Variants in GALNTL5 observed in about 807,000 individuals in gnomAD.
GALNTL5 encodes inactive polypeptide N-acetylgalactosaminyltransferase-like protein 5.
A neutral mutation model predicts 51.0 loss-of-function variants in GALNTL5; 44 were observed. The observed-to-expected ratio is 0.86, with a 90% CI of 0.68 to 1.11. The LOEUF (loss-of-function observed/expected upper bound fraction) is 1.11, where lower values mean the gene tolerates loss of function less well. Ranked by LOEUF, GALNTL5 falls within the 50% of genes least tolerant of loss-of-function variation. The pLI is 0.00. For missense variants in GALNTL5, 528 were observed against 531.8 expected (o/e 0.99, Z 0.07); for synonymous variants, 192 against 182.8 (o/e 1.05, Z -0.41).
Position 152,019,921 on chromosome 7 carries a change from A to G in GALNTL5, c.*120A>G. Reference sequence around the variant, plus strand: ...TTACGTGAAATGCAATTAAAAAAATATGACCAGACGTGAGTGCCTTTATTT... The same window carrying G: ...TTACGTGAAATGCAATTAAAAAAATGTGACCAGACGTGAGTGCCTTTATTT... On this transcript the variant is annotated 3_prime_UTR_variant, in exon 9 of 9. Transcript: ENST00000392800. The G allele has an allele frequency of 1.2e-6, 1 of 833,226 alleles. No homozygotes were observed. Among genetic ancestry groups the G allele is most frequent in the South Asian group, 1.9e-5 (1 of 52,232 alleles). The allele number at this position is 833,226 out of a possible 1,614,324, so 51.6% of individuals were successfully genotyped here.
At chr7:152,011,048 G>A (rs2081731433) in intron 7 of GALNTL5, among the ~76,000 whole-genome samples, 1 of 152,112 alleles carries the variant, frequency 6.6e-6, no homozygotes, top group South Asian at 2.1e-4. Flanking sequence ...GACTTCTAGT[G>A]GAGAAACCGA....
intron 1 of GALNTL5, among the ~76,000 whole-genome samples, chr7:151,966,478 A>T (rs1430619768): frequency 2.0e-5 from 3 of 152,092 alleles, no homozygotes; most frequent in African/African-American, 7.2e-5. Context: ...CATATTGGCC[A>T]AGCTGGTCTC....
intron 1 of GALNTL5, among the ~76,000 whole-genome samples, chr7:151,958,447 A>C (rs776764328): frequency 2.8e-4 from 43 of 152,200 alleles, no homozygotes; most frequent in Non-Finnish European, 5.3e-4. Context: ...GGGAGTCCCA[A>C]GGTCTGAGCC....
chr7:151,971,120 TAG>T, intron 3 of GALNTL5, 55 bp downstream of exon 3: 1 of 1,288,038 alleles, frequency 7.8e-7, no homozygotes, highest in African/African-American at 1.5e-5. Context: ...GATAGATAGA[TAG>T]ATAGATAGAT....
chr7:151,966,683 C>T (rs2081064900), intron 1 of GALNTL5, among the ~76,000 whole-genome samples: 1 of 152,184 alleles, frequency 6.6e-6, no homozygotes, highest in Admixed American at 6.5e-5. Flanking sequence ...GGATATATCC[C>T]TAAGGATGGA....
intron 7 of GALNTL5, among the ~76,000 whole-genome samples, chr7:152,009,160 T>A (rs2081695906): frequency 6.6e-6 from 1 of 152,254 alleles, no homozygotes; most frequent in Admixed American, 6.5e-5. Context: ...CTCTTGACAC[T>A]GGCAGCTGTC....
intron 8 of GALNTL5, among the ~76,000 whole-genome samples, chr7:152,018,431 A>G (rs2081846855): frequency 6.6e-6 from 1 of 150,668 alleles, no homozygotes; most frequent in Non-Finnish European, 1.5e-5. Context: ...CATTACGACA[A>G]CTCTTGAGCT....
chr7:151,990,068 G>T (rs1215583513), intron 5 of GALNTL5, among the ~76,000 whole-genome samples: 2 of 151,840 alleles, frequency 1.3e-5, no homozygotes, highest in Non-Finnish European at 2.9e-5. Flanking sequence ...TTTGAGATAG[G>T]GTCTCACTCT....
rs528173257 is a variant in GALNTL5, at chr7:152,003,952, T to C, written c.908+989T>C. ...TTCTAATACACTGCTCGTGTGTATA[T>C]ACATTGGATCATTCTTTTTGAAAAC... On this transcript the variant is annotated intron_variant, in intron 6 of 8. Transcript: ENST00000392800. Among the ~76,000 whole-genome samples, 68 of 152,274 alleles carry C rather than the reference T, an allele frequency of 4.5e-4. 1 individual carries two copies. In the South Asian group the frequency reaches 0.013, roughly 30 times the overall value.
intron 5 of GALNTL5, among the ~76,000 whole-genome samples, chr7:151,988,845 T>TGCCC (rs1406232263): frequency 1.3e-5 from 2 of 151,672 alleles, no homozygotes; most frequent in Admixed American, 1.3e-4. Context: ...GGATTACAGG[T>TGCCC]GCCCGCCACC....
intron 5 of GALNTL5, among the ~76,000 whole-genome samples, chr7:152,002,171 T>C (rs773019320): frequency 6.6e-6 from 1 of 151,972 alleles, no homozygotes; most frequent in African/African-American, 2.4e-5. Flanking sequence ...TCCCAGCTAC[T>C]TGGGAGGCTG....
intron 8 of GALNTL5, among the ~76,000 whole-genome samples, chr7:152,019,017 G>C (rs2081854780): frequency 6.6e-6 from 1 of 152,142 alleles, no homozygotes. Context: ...TTCATTCTTG[G>C]GGCTTCCTTA....
intron 5 of GALNTL5, among the ~76,000 whole-genome samples, chr7:151,989,892 A>G (rs186253876): frequency 2.0e-5 from 3 of 152,262 alleles, no homozygotes; most frequent in Admixed American, 2.0e-4. Context: ...TTCTTTGCCA[A>G]TGTTTCTAAT....
At chr7:151,988,387 G>A (rs2151949886) in intron 5 of GALNTL5, among the ~76,000 whole-genome samples, 1 of 152,316 alleles carries the variant, frequency 6.6e-6, no homozygotes, top group South Asian at 2.1e-4. Flanking sequence ...TGGAACCACG[G>A]GAGGCGAATC....
intron 5 of GALNTL5, among the ~76,000 whole-genome samples, chr7:151,988,358 T>G (rs1421796860): frequency 6.6e-6 from 1 of 152,160 alleles, no homozygotes. Context: ...TGTAGGGGAA[T>G]GTTGGCAGAA....
At chr7:151,982,120 A>G (rs534625157) in intron 3 of GALNTL5, among the ~76,000 whole-genome samples, 37 of 152,230 alleles carry the variant, frequency 2.4e-4, no homozygotes, top group Non-Finnish European at 4.1e-4. Context: ...CAAAAAAATA[A>G]AGTATTCTGG....
Position 152,019,316 on chromosome 7 carries a change from G to A in GALNTL5, c.1177-330G>A, listed in dbSNP as rs2081859115. 6.7e-5 allele frequency among the ~76,000 whole-genome samples: 10 copies of A among 149,646 alleles called. No individual in the cohort carries two copies. In the South Asian group the frequency reaches 1.7e-3, roughly 25 times the overall value. On this transcript the variant is annotated intron_variant, in intron 8 of 8. Coordinates refer to ENST00000392800, the MANE Select transcript of GALNTL5 (RefSeq NM_145292.4). ...ATACTGATGAGGACCAGGGACTAAC[G>A]GGGTTTGTCCTTGGGTATTGTTGAA... is the stretch of plus-strand genomic sequence containing the variant.
At chr7:152,010,070 C>T (rs1164929775) in intron 7 of GALNTL5, among the ~76,000 whole-genome samples, 1 of 151,852 alleles carries the variant, frequency 6.6e-6, no homozygotes, top group Non-Finnish European at 1.5e-5. Flanking sequence ...ATGTATGAAG[C>T]ACTGTGCTGG....
chr7:151,962,605 T>TTTTG (rs386411671), intron 1 of GALNTL5, among the ~76,000 whole-genome samples: 1 of 19,488 alleles, frequency 5.1e-5, no homozygotes. Flanking sequence ...CATGTCTGGG[T>TTTTG]TTTGTTTGTT....
Sources: gnomAD v4.1 joint callset for allele counts (sites outside exome capture counted in the v4.1 genomes callset) on GRCh38, gnomAD v4.1.1 for gene constraint, MANE v1.5 for transcripts, NCBI Gene and HGNC (gene_info 2026-07-23, HGNC 2026-07-21) for gene names.